The following AK3 variants were observed in gnomAD, a reference collection of about 807,000 sequenced individuals.
The protein encoded by AK3 is GTP:AMP phosphotransferase AK3, mitochondrial.
In AK3, 27 loss-of-function variants were observed where a neutral mutation model predicts 23.7. That is an observed-to-expected ratio of 1.14 (90% confidence interval 0.84 to 1.57). The LOEUF is 1.57. Ranked by LOEUF, AK3 falls within the 40% of genes most tolerant of loss-of-function variation. The probability of loss-of-function intolerance (pLI) is 0.00; values close to 1 mark genes in which losing one functional copy is unlikely to be tolerated. For synonymous variants in AK3, 159 were observed against 116.0 expected (o/e 1.37, Z -2.38); for missense variants, 406 against 285.6 (o/e 1.42, Z -3.04).
chr9:4,734,294 T>C lies in AK3; in HGVS notation c.151+6643A>G, dbSNP rs140956177. ...TCTACCAGTGCCTTGGTCTTGTACT[T>C]CTAGCCTCCAGAACTATAAGAAAAT... is the stretch of plus-strand genomic sequence containing the variant. On this transcript the variant is annotated intron_variant, in intron 1 of 4. Coordinates refer to ENST00000381809, the MANE Select transcript of AK3 (RefSeq NM_016282.4). 3.5e-3 allele frequency among the ~76,000 whole-genome samples: 513 copies of C among 147,662 alleles called. 4 individuals are homozygous for C. The highest frequency in any genetic ancestry group is 0.012 in the African/African-American group (488 of 39,530).
At chr9:4,722,352 G>A (rs1015001787) in intron 2 of AK3, among the ~76,000 whole-genome samples, 154 bp downstream of exon 2, 1 of 152,184 alleles carries the variant, frequency 6.6e-6, no homozygotes, top group Admixed American at 6.5e-5. Flanking sequence ...ATATAGAACT[G>A]GTCCCAGAGA....
chr9:4,724,777 T>A (rs1302446732), intron 1 of AK3, among the ~76,000 whole-genome samples: 1 of 51,760 alleles, frequency 1.9e-5, no homozygotes, highest in African/African-American at 5.0e-5. Flanking sequence ...AGACCCTGTT[T>A]CAAAAAGAAA....
At chr9:4,733,287 G>A (rs1426446404) in intron 1 of AK3, among the ~76,000 whole-genome samples, 3 of 152,046 alleles carry the variant, frequency 2.0e-5, no homozygotes, top group Non-Finnish European at 4.4e-5. Context: ...CTAGGAGAAT[G>A]TCAGGAAATT....
At chr9:4,741,331 CCCGCCCAG>C, upstream of AK3, 1 of 356,232 alleles carries the variant, frequency 2.8e-6, no homozygotes, top group Non-Finnish European at 4.9e-6. Context: ...AGCGCCTGTT[CCCGCCCAG>C]CCGCGCAAGC....
Position 4,710,715 on chromosome 9 carries a change from T to A in AK3, c.*2261A>T, listed in dbSNP as rs1368069045. 1 of 151,944 alleles carries A rather than the reference T, an allele frequency of 6.6e-6. No homozygotes were observed. Among genetic ancestry groups the A allele is most frequent in the South Asian group, 2.1e-4 (1 of 4,820 alleles). 9.4% of individuals were successfully genotyped at this position (151,944 alleles called of 1,614,324 possible). A position where few individuals can be genotyped will look rare whatever the true frequency, so the allele number is the denominator to read the frequency against. On this transcript the variant is annotated 3_prime_UTR_variant, in exon 5 of 5. Coordinates refer to ENST00000381809, the MANE Select transcript of AK3 (RefSeq NM_016282.4). ...GGAAGACTGTTTGAGGCCAGGAGACTAGCCTGGGCAACATATCGAGACGCC... is the reference window on the plus strand; with the variant it reads ...GGAAGACTGTTTGAGGCCAGGAGACAAGCCTGGGCAACATATCGAGACGCC...
chr9:4,734,237 G>A (rs1371501858), intron 1 of AK3, among the ~76,000 whole-genome samples: 1 of 152,160 alleles, frequency 6.6e-6, no homozygotes, highest in Non-Finnish European at 1.5e-5. Flanking sequence ...CAACTAGACA[G>A]GCCAGGAAGA....
chr9:4,741,204 C>A (rs573704398), upstream of AK3: 292 of 1,171,066 alleles, frequency 2.5e-4, no homozygotes, highest in African/African-American at 4.3e-3. Flanking sequence ...GCGGCTACTG[C>A]GGTTCCCCGG....
chr9:4,738,761 C>CTTTTT (rs35812152), intron 1 of AK3, among the ~76,000 whole-genome samples: 288 of 75,062 alleles, frequency 3.8e-3, no homozygotes, highest in Middle Eastern at 0.014. Flanking sequence ...ATATGCTTTA[C>CTTTTT]TTTTTTTTTT....
chr9:4,740,224 A>G (rs1000030922), intron 1 of AK3, among the ~76,000 whole-genome samples: 1 of 152,162 alleles, frequency 6.6e-6, no homozygotes, highest in African/African-American at 2.4e-5. Context: ...TTCAAAAACA[A>G]CCCTCTTAAG....
rs1446020142 is a variant in AK3, at chr9:4,741,196, G to A, written c.-109C>T. 6.6e-6 allele frequency: 8 copies of A among 1,206,156 alleles called. No individual in the cohort carries two copies. In the African/African-American group the frequency reaches 8.0e-5, roughly 12 times the overall value. 74.7% of individuals were successfully genotyped at this position (1,206,156 alleles called of 1,614,324 possible). Reference sequence around the variant, plus strand: ...CCGGCTAGCAGCGCCACTAGCAGGCGGCTACTGCGGTTCCCCGGCGTTCCC... The same window carrying A: ...CCGGCTAGCAGCGCCACTAGCAGGCAGCTACTGCGGTTCCCCGGCGTTCCC... On this transcript the variant is annotated 5_prime_UTR_variant, in exon 1 of 5. Transcript: ENST00000381809.
rs1428462930 is a variant in AK3, at chr9:4,718,548, T to A, written c.445-11A>T. 1.3e-6 allele frequency: 2 copies of A among 1,563,558 alleles called. No homozygotes were observed. Among genetic ancestry groups the A allele is most frequent in the Non-Finnish European group, 8.8e-7 (1 of 1,135,238 alleles). ...CAGGTCATCAATGCCCTAAACAGGA[T>A]TAGAAGAGACTAGTATCAGATATCA... On this transcript the variant is annotated splice_polypyrimidine_tract_variant and intron_variant, in intron 3 of 4. Coordinates refer to ENST00000381809, the MANE Select transcript of AK3 (RefSeq NM_016282.4).
intron 4 of AK3, 98 bp downstream of exon 4, chr9:4,718,321 C>T (rs755349123): frequency 6.3e-5 from 55 of 877,772 alleles, no homozygotes; most frequent in Non-Finnish European, 9.9e-5. Flanking sequence ...TGAACTGGGT[C>T]TTTTGGCATT....
At chr9:4,722,460 C>T (rs1247336200) in intron 2 of AK3, 46 bp downstream of exon 2, 14 of 1,613,132 alleles carry the variant, frequency 8.7e-6, no homozygotes, top group South Asian at 1.1e-5. Flanking sequence ...CTCCTGCCAG[C>T]ACTGATTATT....
rs147425992 is a variant in AK3, at chr9:4,723,677, G to C, written c.152-1052C>G. Among the ~76,000 whole-genome samples, 917 of 151,980 alleles carry C rather than the reference G, an allele frequency of 6.0e-3. 12 individuals are homozygous for C. Among genetic ancestry groups the C allele is most frequent in the African/African-American group, 0.019 (801 of 41,398 alleles). On this transcript the variant is annotated intron_variant, in intron 1 of 4. Transcript: ENST00000381809. ...ATTATTTAATAAATACTTTTCGGTG[G>C]TTTTATATAGTCATTTTAGGTAACC... is the stretch of plus-strand genomic sequence containing the variant.
rs1348576736 is a variant in AK3 at position 4,712,033 on chromosome 9, T to C, written c.*943A>G. On this transcript the variant is annotated 3_prime_UTR_variant, in exon 5 of 5. Transcript: ENST00000381809. The stretch of plus-strand genomic sequence containing the variant: ...ACAAAGTATGCTTACTTTATTTACA[T>C]AGTGCCACGGGTTTCTCTTTTTTCT... The C allele has an allele frequency of 2.0e-5, 3 of 152,222 alleles. No individual in the cohort carries two copies. Among genetic ancestry groups the C allele is most frequent in the African/African-American group, 7.2e-5 (3 of 41,468 alleles). 9.4% of individuals were successfully genotyped at this position (152,222 alleles called of 1,614,324 possible).
upstream of AK3, chr9:4,741,370 T>C: frequency 3.2e-6 from 1 of 315,300 alleles, no homozygotes; most frequent in Non-Finnish European, 5.7e-6. Context: ...GCGCCCCCTC[T>C]GCGCTCGCTC....
At chr9:4,714,991 G>T (rs1056471490) in intron 4 of AK3, among the ~76,000 whole-genome samples, 2 of 152,000 alleles carry the variant, frequency 1.3e-5, no homozygotes, top group Non-Finnish European at 2.9e-5. Context: ...GGCCAAGGAG[G>T]GTGGATCACT....
At chr9:4,718,178 C>T (rs553005517) in intron 4 of AK3, among the ~76,000 whole-genome samples, 16 of 152,316 alleles carry the variant, frequency 1.1e-4, no homozygotes, top group African/African-American at 2.4e-5. Flanking sequence ...AAGGACAAAG[C>T]CAATACACAC....
At chr9:4,732,125 A>C (rs200472278) in intron 1 of AK3, among the ~76,000 whole-genome samples, 13 of 142,894 alleles carry the variant, frequency 9.1e-5, no homozygotes, top group African/African-American at 3.3e-4. Flanking sequence ...AATTTTTTTT[A>C]CTTTTTTGTA....
Sources: gnomAD v4.1 joint callset for allele counts (sites outside exome capture counted in the v4.1 genomes callset) on GRCh38, gnomAD v4.1.1 for gene constraint, MANE v1.5 for transcripts, NCBI Gene and HGNC (gene_info 2026-07-23, HGNC 2026-07-21) for gene names.